CNTN5: variants seen among roughly 807,000 people sequenced by gnomAD.
CNTN5 encodes the protein contactin 5, also known as contactin-5.
Under a neutral mutation model 129.1 loss-of-function variants are expected in CNTN5, and 77 were observed. The observed-to-expected ratio is 0.60, with a 90% CI of 0.50 to 0.72. CNTN5 has a LOEUF of 0.72. Among genes scored for constraint, CNTN5 ranks in the 30% least tolerant of loss-of-function variants. The pLI is 0.00. For missense variants in CNTN5, 1,478 were observed against 1,328.8 expected, an observed-to-expected ratio of 1.11 and a Z score of -1.75; for synonymous variants, 509 against 465.6, an observed-to-expected ratio of 1.09 and a Z score of -1.20.
At position 100,071,693 on chromosome 11, in the gene CNTN5, A is replaced by T; in HGVS notation, c.1300-12A>T. The T allele has an allele frequency of 6.5e-7, 1 of 1,543,066 alleles. No individual in the cohort carries two copies. Among genetic ancestry groups the T allele is most frequent in the Non-Finnish European group, 8.7e-7 (1 of 1,145,780 alleles). On this transcript the variant is annotated splice_polypyrimidine_tract_variant and intron_variant, in intron 11 of 24. Transcript: ENST00000524871. ...TTACTTTCTAGATCTAATTTTTTTA[A>T]TTCCATTACAGAGTAGGGTTGAGAT...
chr11:99,578,814 G>T (rs1317295869), intron 3 of CNTN5, among the ~76,000 whole-genome samples: 1 of 152,176 alleles, frequency 6.6e-6, no homozygotes, highest in Admixed American at 6.5e-5. Flanking sequence ...CTTTTGCTGT[G>T]CAGAAGCTCT....
intron 2 of CNTN5, among the ~76,000 whole-genome samples, chr11:99,492,285 A>T (rs1023988105): frequency 3.3e-5 from 5 of 152,090 alleles, no homozygotes; most frequent in Non-Finnish European, 5.9e-5. Context: ...AAAAACAAAG[A>T]TCTACATATT....
rs55662475 is a variant in CNTN5 at position 99,938,285 on chromosome 11, A to G, written c.674-18521A>G. On this transcript the variant is annotated intron_variant, in intron 7 of 24. Coordinates refer to ENST00000524871, the MANE Select transcript of CNTN5 (RefSeq NM_014361.4). Reference sequence around the variant, plus strand: ...ATGTCTTGTACAGGAAACAAAATACATAATTTCATCAATCCTTCGTTTCAA... The same window carrying G: ...ATGTCTTGTACAGGAAACAAAATACGTAATTTCATCAATCCTTCGTTTCAA... Among the ~76,000 whole-genome samples, 953 of 152,298 alleles carry G rather than the reference A, an allele frequency of 6.3e-3. 14 individuals are homozygous for G. Among genetic ancestry groups the G allele is most frequent in the African/African-American group, 0.021 (891 of 41,566 alleles).
At chr11:99,682,290 T>C (rs1953590159) in intron 3 of CNTN5, among the ~76,000 whole-genome samples, 1 of 151,404 alleles carries the variant, frequency 6.6e-6, no homozygotes, top group Admixed American at 6.7e-5. Context: ...AGTATTCAAG[T>C]GTAAAATGAA....
chr11:99,940,719 A>T (rs940590074), intron 7 of CNTN5, among the ~76,000 whole-genome samples: 1 of 152,146 alleles, frequency 6.6e-6, no homozygotes, highest in Non-Finnish European at 1.5e-5. Flanking sequence ...GAACTTCATT[A>T]GAGAGTTCAT....
intron 1 of CNTN5, among the ~76,000 whole-genome samples, chr11:99,284,610 T>C (rs1450764479): frequency 3.8e-5 from 1 of 26,654 alleles, no homozygotes; most frequent in Admixed American, 2.6e-4. Flanking sequence ...GGTGTGTGTG[T>C]GTGTGTGTGT....
At chr11:100,011,752 G>A (rs984099132) in intron 9 of CNTN5, among the ~76,000 whole-genome samples, 10 of 152,190 alleles carry the variant, frequency 6.6e-5, no homozygotes, top group Non-Finnish European at 1.0e-4. Context: ...TATGTTTACT[G>A]TAAATAAAAA....
chr11:100,107,734 T>A (rs886937782), intron 13 of CNTN5, among the ~76,000 whole-genome samples: 2 of 152,034 alleles, frequency 1.3e-5, no homozygotes, highest in East Asian at 3.9e-4. Context: ...TTATGAAAAA[T>A]TTATGTATCA....
chr11:99,202,918 C>T (rs1033632186), intron 1 of CNTN5, among the ~76,000 whole-genome samples: 5 of 149,500 alleles, frequency 3.3e-5, no homozygotes, highest in Non-Finnish European at 7.4e-5. Flanking sequence ...AGATGTAGGA[C>T]GCATCCAGAA....
chr11:99,570,978 TAAAG>T (rs1949157949), intron 3 of CNTN5, among the ~76,000 whole-genome samples: 1 of 152,044 alleles, frequency 6.6e-6, no homozygotes, highest in African/African-American at 2.4e-5. Context: ...ATACTGTACA[TAAAG>T]AATAACTAAT....
rs150096435 is a variant in CNTN5 at position 100,357,881 on chromosome 11, G to A, written c.*1661G>A. ...TACATATTCTCTTTGGGGAAATGAT[G>A]TAAGACACCCTAAACAAACAAGAAA... On this transcript the variant is annotated 3_prime_UTR_variant, in exon 25 of 25. Coordinates refer to ENST00000524871, the MANE Select transcript of CNTN5 (RefSeq NM_014361.4). The A allele has an allele frequency of 4.0e-5, 6 of 151,876 alleles. No homozygotes were observed. The East Asian group carries it at 1.2e-3, about 30-fold the overall frequency. 9.4% of individuals were successfully genotyped at this position (151,876 alleles called of 1,614,324 possible). A position where few individuals can be genotyped will look rare whatever the true frequency, so the allele number is the denominator to read the frequency against.
chr11:99,224,551 G>A (rs1433624526), intron 1 of CNTN5, among the ~76,000 whole-genome samples: 1 of 151,760 alleles, frequency 6.6e-6, no homozygotes, highest in Non-Finnish European at 1.5e-5. Context: ...TAGCACGGGC[G>A]TCATTACTTT....
At chr11:99,383,283 A>T (rs1940713937) in intron 2 of CNTN5, among the ~76,000 whole-genome samples, 1 of 152,230 alleles carries the variant, frequency 6.6e-6, no homozygotes, top group South Asian at 2.1e-4. Context: ...ACCAAAAGAA[A>T]TGATGAGTTA....
chr11:100,152,962 A>G (rs1591322772), intron 13 of CNTN5, among the ~76,000 whole-genome samples: 1 of 152,210 alleles, frequency 6.6e-6, no homozygotes, highest in South Asian at 2.1e-4. Context: ...TGAAGACATC[A>G]TGGGTTGTTT....
intron 13 of CNTN5, among the ~76,000 whole-genome samples, chr11:100,092,532 T>G (rs1944828526): frequency 1.3e-5 from 2 of 152,192 alleles, no homozygotes; most frequent in Admixed American, 1.3e-4. Flanking sequence ...CACTTAATGC[T>G]GTTTAAAACC....
At chr11:99,428,470 A>T (rs1352554672) in intron 2 of CNTN5, among the ~76,000 whole-genome samples, 1 of 150,210 alleles carries the variant, frequency 6.7e-6, no homozygotes. Flanking sequence ...TTAAGGTGAG[A>T]GATCTCTTGA....
At chr11:100,295,684 T>C (rs1288737080) in intron 18 of CNTN5, among the ~76,000 whole-genome samples, 3 of 151,376 alleles carry the variant, frequency 2.0e-5, no homozygotes, top group Non-Finnish European at 4.4e-5. Flanking sequence ...CATCCTTTTT[T>C]TTTAGATGAT....
At chr11:99,831,519 C>A (rs1357971757) in intron 4 of CNTN5, among the ~76,000 whole-genome samples, 9 of 152,136 alleles carry the variant, frequency 5.9e-5, no homozygotes, top group African/African-American at 1.7e-4. Flanking sequence ...TGCAGCTCAT[C>A]CATTTGCTGA....
chr11:99,125,387 T>C (rs2135418620), intron 1 of CNTN5, among the ~76,000 whole-genome samples: 2 of 152,014 alleles, frequency 1.3e-5, no homozygotes, highest in Middle Eastern at 3.4e-3. Context: ...AGAATGGCTT[T>C]TGATAAAATT....
Sources: gnomAD v4.1 joint callset for allele counts (sites outside exome capture counted in the v4.1 genomes callset) on GRCh38, gnomAD v4.1.1 for gene constraint, MANE v1.5 for transcripts, NCBI Gene and HGNC (gene_info 2026-07-23, HGNC 2026-07-21) for gene names.